The following GUCA1C variants were observed in gnomAD, a reference collection of about 807,000 sequenced individuals.
The protein encoded by GUCA1C is guanylyl cyclase-activating protein 3.
GUCA1C carries 15 observed loss-of-function variants against 16.2 expected under a neutral mutation model. The ratio of observed to expected loss-of-function variants is 0.93; its 90% confidence interval spans 0.62 to 1.43. GUCA1C has a LOEUF of 1.43. GUCA1C is among the 40% of genes most tolerant of loss of function. The pLI is 0.00. For synonymous variants in GUCA1C, 78 were observed against 85.4 expected (o/e 0.91, Z 0.48); for missense variants, 275 against 244.8 (o/e 1.12, Z -0.82).
chr3:108,933,121 C>G (rs918097251), intron 1 of GUCA1C, among the ~76,000 whole-genome samples: 5 of 152,108 alleles, frequency 3.3e-5, no homozygotes, highest in Non-Finnish European at 7.4e-5. Flanking sequence ...CACTGCCAGC[C>G]CTAGCATGAG....
chr3:108,933,346 C>T (rs191382978), intron 1 of GUCA1C, among the ~76,000 whole-genome samples: 2,636 of 151,180 alleles, frequency 0.017, 49 homozygotes, highest in Middle Eastern at 0.027. Context: ...AATTTTAACC[C>T]CAACATGTTT....
In GUCA1C at chr3:108,936,261, C is replaced by T. The variant is rs78227646; in HGVS notation, c.205-15676G>A. 8.2e-3 allele frequency among the ~76,000 whole-genome samples: 1,219 copies of T among 149,470 alleles called. 20 individuals are homozygous for T. The highest frequency in any genetic ancestry group is 0.029 in the African/African-American group (1,174 of 40,606). ...TGGGTGACAGAGTGAGACCCTGTCT[C>T]GAAAAAAAAGGCTTATGTACATGTG... On this transcript the variant is annotated intron_variant, in intron 1 of 3. Transcript: ENST00000261047.
intron 1 of GUCA1C, among the ~76,000 whole-genome samples, chr3:108,934,806 A>ATTT (rs1946706228): frequency 1.3e-5 from 1 of 79,148 alleles, no homozygotes; most frequent in African/African-American, 4.9e-5. Context: ...TATGTTCTTG[A>ATTT]TCTTTTTTTT....
intron 1 of GUCA1C, among the ~76,000 whole-genome samples, chr3:108,922,160 AACACACACACACACAC>A (rs56788372): frequency 1.7e-4 from 9 of 52,076 alleles, no homozygotes; most frequent in Admixed American, 7.2e-4. Flanking sequence ...CACATACACA[AACACACACACACACAC>A]ACACACACAC....
chr3:108,909,683 A>G (rs1946428317), intron 3 of GUCA1C, among the ~76,000 whole-genome samples: 1 of 152,226 alleles, frequency 6.6e-6, no homozygotes, highest in Admixed American at 6.5e-5. Flanking sequence ...CTCAGCTGAA[A>G]AGCAATACAG....
intron 1 of GUCA1C, among the ~76,000 whole-genome samples, chr3:108,946,950 G>A (rs921332946): frequency 4.7e-5 from 7 of 150,354 alleles, no homozygotes; most frequent in African/African-American, 1.7e-4. Context: ...CACAGACTGG[G>A]TATTAGATGA....
At chr3:108,932,907 A>G (rs889716402) in intron 1 of GUCA1C, among the ~76,000 whole-genome samples, 1 of 34,004 alleles carries the variant, frequency 2.9e-5, no homozygotes, top group African/African-American at 9.8e-5. Flanking sequence ...GGGCCACAAG[A>G]AAAAAAAAAA....
At chr3:108,927,630 C>A (rs1576549434) in intron 1 of GUCA1C, among the ~76,000 whole-genome samples, 1 of 152,028 alleles carries the variant, frequency 6.6e-6, no homozygotes, top group Non-Finnish European at 1.5e-5. Flanking sequence ...GAAGAATTTT[C>A]CTTTTCCTTT....
At chr3:108,944,120 A>G (rs896829801) in intron 1 of GUCA1C, among the ~76,000 whole-genome samples, 5 of 152,210 alleles carry the variant, frequency 3.3e-5, no homozygotes, top group Non-Finnish European at 5.9e-5. Context: ...TACTCCAATT[A>G]AGCACTAAGT....
At chr3:108,942,988 T>C (rs952437132) in intron 1 of GUCA1C, among the ~76,000 whole-genome samples, 4 of 152,220 alleles carry the variant, frequency 2.6e-5, no homozygotes, top group Non-Finnish European at 4.4e-5. Context: ...GCCTAAGAGA[T>C]AGGTCACTGT....
At chr3:108,926,575 G>T (rs994090515) in intron 1 of GUCA1C, among the ~76,000 whole-genome samples, 2 of 152,148 alleles carry the variant, frequency 1.3e-5, no homozygotes, top group Non-Finnish European at 2.9e-5. Flanking sequence ...CTGCCTCCCG[G>T]GTTCACACCA....
At chr3:108,925,946 G>C (rs545396404) in intron 1 of GUCA1C, among the ~76,000 whole-genome samples, 1 of 152,122 alleles carries the variant, frequency 6.6e-6, no homozygotes, top group South Asian at 2.1e-4. Flanking sequence ...AATTAGCCAG[G>C]CATGGTGGCA....
In GUCA1C at chr3:108,929,081, TCTC is replaced by T. The variant is rs533971233; in HGVS notation, c.205-8499_205-8497del. ...TCCCTTTCCATGAATATAGAATCTCTCTCCTTTTATTTAGTTCTTTGATTTCTT... is the reference window on the plus strand; with the variant it reads ...TCCCTTTCCATGAATATAGAATCTCTCTTTTATTTAGTTCTTTGATTTCTT... On this transcript the variant is annotated intron_variant, in intron 1 of 3. Coordinates refer to ENST00000261047, the MANE Select transcript of GUCA1C (RefSeq NM_005459.4). 3.3e-5 allele frequency among the ~76,000 whole-genome samples: 5 copies of T among 152,336 alleles called. No individual in the cohort carries two copies. The South Asian group carries it at 1.0e-3, about 32-fold the overall frequency.
chr3:108,910,213 G>A, intron 3 of GUCA1C, among the ~76,000 whole-genome samples: 1 of 152,116 alleles, frequency 6.6e-6, no homozygotes, highest in East Asian at 1.9e-4. Context: ...GAATCTACCA[G>A]CAAGGCCGTG....
intron 3 of GUCA1C, among the ~76,000 whole-genome samples, chr3:108,912,711 CAA>C (rs10664351): frequency 0.015 from 2,099 of 143,518 alleles, 33 homozygotes; most frequent in South Asian, 0.044. Flanking sequence ...TTGTTAATTT[CAA>C]AAAAAAAAAA....
chr3:108,921,903 C>T (rs1576547132), intron 1 of GUCA1C, among the ~76,000 whole-genome samples: 1 of 151,952 alleles, frequency 6.6e-6, no homozygotes, highest in East Asian at 1.9e-4. Flanking sequence ...GAACACTGTA[C>T]CCAATGTGTA....
chr3:108,932,017 A>AT (rs1181257482), intron 1 of GUCA1C, among the ~76,000 whole-genome samples: 1 of 151,550 alleles, frequency 6.6e-6, no homozygotes, highest in African/African-American at 2.4e-5. Context: ...CGCCCAGGTA[A>AT]TTTTTTGTAT....
intron 1 of GUCA1C, among the ~76,000 whole-genome samples, chr3:108,937,799 G>A (rs566084089): frequency 3.9e-5 from 6 of 152,252 alleles, no homozygotes; most frequent in African/African-American, 1.4e-4. Context: ...GGAGGGGAAC[G>A]CGGTGGCTCA....
intron 1 of GUCA1C, among the ~76,000 whole-genome samples, chr3:108,940,822 A>G (rs1349161190): frequency 6.6e-6 from 1 of 152,252 alleles, no homozygotes; most frequent in African/African-American, 2.4e-5. Context: ...AGTGTTTTCA[A>G]CTGCATTATT....
Sources: gnomAD v4.1 joint callset for allele counts (sites outside exome capture counted in the v4.1 genomes callset) on GRCh38, gnomAD v4.1.1 for gene constraint, MANE v1.5 for transcripts, NCBI Gene and HGNC (gene_info 2026-07-23, HGNC 2026-07-21) for gene names.